Variants in TEK observed in about 807,000 individuals in gnomAD.
TEK encodes the protein TEK receptor tyrosine kinase, also known as angiopoietin-1 receptor.
TEK carries 43 observed loss-of-function variants against 131.8 expected under a neutral mutation model. That is an observed-to-expected ratio of 0.33 (90% confidence interval 0.26 to 0.42). The LOEUF (loss-of-function observed/expected upper bound fraction) is 0.42. Ranked by LOEUF, TEK falls within the 10% of genes least tolerant of loss-of-function variation. TEK has a pLI of 1.00. For synonymous variants in TEK, 580 were observed against 491.6 expected (o/e 1.18, Z -2.38); for missense variants, 1,162 against 1,384.4 (o/e 0.84, Z 2.55).
At chr9:27,138,603 T>C (rs561731531) in intron 1 of TEK, among the ~76,000 whole-genome samples, 1 of 152,322 alleles carries the variant, frequency 6.6e-6, no homozygotes, top group South Asian at 2.1e-4. Flanking sequence ...GCAGAGTTCT[T>C]GATTTATTTA....
intron 22 of TEK, 130 bp from the exon 23 acceptor site, chr9:27,229,028 G>T: frequency 1.2e-6 from 1 of 803,180 alleles, no homozygotes; most frequent in Non-Finnish European, 2.2e-6. Flanking sequence ...ACTGAGGACA[G>T]AAAAGTATCC....
At chr9:27,115,765 C>T (rs984854491) in intron 1 of TEK, among the ~76,000 whole-genome samples, 4 of 152,034 alleles carry the variant, frequency 2.6e-5, no homozygotes, top group Admixed American at 2.0e-4. Flanking sequence ...AGGGAGCAAC[C>T]TATACAAAGG....
chr9:27,180,936 T>G (rs1226855743), intron 7 of TEK, among the ~76,000 whole-genome samples: 1 of 152,202 alleles, frequency 6.6e-6, no homozygotes, highest in African/African-American at 2.4e-5. Context: ...AAATGTAAAT[T>G]CAGTGGTTTT....
At chr9:27,189,851 A>G (rs199584094) in intron 9 of TEK, among the ~76,000 whole-genome samples, 1 of 75,160 alleles carries the variant, frequency 1.3e-5, no homozygotes, top group Admixed American at 1.2e-4. Flanking sequence ...GTTTGGCTGA[A>G]AGAGAGAGAT....
chr9:27,216,519 G>T (rs371948816), intron 18 of TEK, among the ~76,000 whole-genome samples: 16 of 152,204 alleles, frequency 1.1e-4, no homozygotes, highest in African/African-American at 3.4e-4. Flanking sequence ...GGGAGATGGG[G>T]TGGTGTGGAC....
intron 2 of TEK, among the ~76,000 whole-genome samples, 169 bp from the exon 3 acceptor site, chr9:27,168,326 A>G (rs1310095486): frequency 6.6e-6 from 1 of 152,214 alleles, no homozygotes. Context: ...AGAAAGGTAC[A>G]TAATGTTAAG....
At chr9:27,175,450 G>T (rs540951380) in intron 6 of TEK, among the ~76,000 whole-genome samples, 1 of 151,862 alleles carries the variant, frequency 6.6e-6, no homozygotes. Flanking sequence ...ATAAACATAC[G>T]TGTGCATGTG....
intron 1 of TEK, among the ~76,000 whole-genome samples, chr9:27,140,400 A>C (rs11791913): frequency 0.22 from 21,346 of 98,524 alleles, 2,207 homozygotes; most frequent in African/African-American, 0.37. Flanking sequence ...AAAAAAGAAA[A>C]AAAAAAAAAA....
chr9:27,212,867 C>G lies in TEK; in HGVS notation c.2847C>G (p.Ala949=), dbSNP rs770885241. ...TCCTTCACTTCGCTGCCGACGTGGC[C>G]CGGGGCATGGACTACTTGAGCCAAA... is the stretch of plus-strand genomic sequence containing the variant. The part of the protein sequence containing the change: ...QQLLHFAADV[A]RGMDYLSQKQ... Residue 949 remains alanine (A), a synonymous_variant, in exon 17 of 23, where the codon GCC becomes GCG. Coordinates refer to ENST00000380036, the MANE Select transcript of TEK (RefSeq NM_000459.5). 1 of 1,614,040 alleles carries G rather than the reference C, an allele frequency of 6.2e-7. No individual in the cohort carries two copies. Among genetic ancestry groups the G allele is most frequent in the Non-Finnish European group, 8.5e-7 (1 of 1,179,986 alleles).
intron 6 of TEK, among the ~76,000 whole-genome samples, chr9:27,175,580 T>G (rs1378496295): frequency 1.3e-5 from 2 of 152,182 alleles, no homozygotes; most frequent in South Asian, 2.1e-4. Context: ...TCCACAATGG[T>G]TGAACTAGTT....
intron 19 of TEK, among the ~76,000 whole-genome samples, chr9:27,218,487 G>C (rs1825914471): frequency 6.6e-6 from 1 of 152,144 alleles, no homozygotes; most frequent in Non-Finnish European, 1.5e-5. Context: ...ATTTAACTCA[G>C]ATCTGTCAAG....
intron 1 of TEK, among the ~76,000 whole-genome samples, chr9:27,131,460 C>T (rs4879912): frequency 0.25 from 33,823 of 134,466 alleles, 4,603 homozygotes; most frequent in Admixed American, 0.33. Context: ...GCCTGGGTAA[C>T]AGGACAAGAC....
At chr9:27,116,457 T>A (rs1821560705) in intron 1 of TEK, among the ~76,000 whole-genome samples, 2 of 152,030 alleles carry the variant, frequency 1.3e-5, no homozygotes, top group African/African-American at 4.8e-5. Context: ...CCCGGCTAAT[T>A]TTTGTACTTT....
chr9:27,188,364 A>G (rs540190518), intron 9 of TEK, among the ~76,000 whole-genome samples: 167 of 152,332 alleles, frequency 1.1e-3, no homozygotes, highest in African/African-American at 3.8e-3. Flanking sequence ...CCATCTCAGT[A>G]AAAATGATTA....
chr9:27,202,889 C>A lies in TEK; in HGVS notation c.1979C>A (p.Thr660Lys), dbSNP rs1825270785. ...ITHSSAVISW[T>K]ILDGYSISSI... ...CACTCCTCAGCTGTGATTTCTTGGA[C>A]AATATTGGATGGCTATTCTATTTCT... The change falls in exon 13 of 23, where the codon ACA becomes AAA. Residue 660 changes from threonine to lysine, a missense_variant. By Grantham distance (78) the Thr-to-Lys change is moderately conservative. Transcript: ENST00000380036. 1 of 1,614,102 alleles carries A rather than the reference C, an allele frequency of 6.2e-7. No homozygotes were observed.
intron 1 of TEK, among the ~76,000 whole-genome samples, chr9:27,127,729 GTGA>G (rs1286350352): frequency 6.6e-6 from 1 of 152,242 alleles, no homozygotes; most frequent in Non-Finnish European, 1.5e-5. Flanking sequence ...CTAATGACCA[GTGA>G]TGATGAGCAT....
At chr9:27,161,601 C>T (rs949794764) in intron 2 of TEK, among the ~76,000 whole-genome samples, 8 of 152,214 alleles carry the variant, frequency 5.3e-5, no homozygotes, top group Admixed American at 2.6e-4. Flanking sequence ...ATATCATTCT[C>T]ACTTAATGTT....
At chr9:27,188,059 G>T (rs569563095) in intron 9 of TEK, among the ~76,000 whole-genome samples, 1 of 152,112 alleles carries the variant, frequency 6.6e-6, no homozygotes, top group East Asian at 1.9e-4. Flanking sequence ...ATTAATTTCC[G>T]CAACAGTATG....
At chr9:27,154,369 G>C (rs992446480) in intron 1 of TEK, among the ~76,000 whole-genome samples, 15 of 152,162 alleles carry the variant, frequency 9.9e-5, no homozygotes, top group African/African-American at 3.6e-4. Context: ...TTACAGGCAT[G>C]AGCCACCGCG....
Sources: allele counts gnomAD v4.1 joint callset (sites outside exome capture counted in the v4.1 genomes callset), GRCh38; gene constraint gnomAD v4.1.1; transcripts MANE v1.5; gene names NCBI Gene and HGNC (gene_info 2026-07-23, HGNC 2026-07-21).